CCDC171: variants seen among roughly 807,000 people sequenced by gnomAD.
CCDC171 encodes the protein coiled-coil domain-containing protein 171.
A neutral mutation model predicts 168.2 loss-of-function variants in CCDC171; 177 were observed. That is an observed-to-expected ratio of 1.05 (90% CI 0.93 to 1.19). The LOEUF is 1.19. CCDC171 is among the 50% of genes most tolerant of loss of function. CCDC171 has a pLI of 0.00. For missense variants in CCDC171, 1,991 were observed against 1,539.0 expected (o/e 1.29, Z -4.91); for synonymous variants, 687 against 540.8 (o/e 1.27, Z -3.75).
At chr9:15,713,399 A>C (rs1417436924) in intron 11 of CCDC171, among the ~76,000 whole-genome samples, 1 of 152,090 alleles carries the variant, frequency 6.6e-6, no homozygotes, top group Non-Finnish European at 1.5e-5. Context: ...AAAGCAATGT[A>C]ACAGGAATAG....
At chr9:15,727,408 G>A (rs2053876638) in intron 14 of CCDC171, among the ~76,000 whole-genome samples, 1 of 152,132 alleles carries the variant, frequency 6.6e-6, no homozygotes, top group African/African-American at 2.4e-5. Flanking sequence ...TTTCATCAGA[G>A]TTGAATAACA....
At chr9:15,641,543 G>A (rs1408239317) in intron 7 of CCDC171, among the ~76,000 whole-genome samples, 1 of 152,148 alleles carries the variant, frequency 6.6e-6, no homozygotes, top group African/African-American at 2.4e-5. Flanking sequence ...GAACATCTGG[G>A]TATGTTTGGT....
intron 11 of CCDC171, among the ~76,000 whole-genome samples, chr9:15,696,103 T>G (rs552873502): frequency 5.9e-5 from 9 of 152,294 alleles, no homozygotes; most frequent in African/African-American, 1.9e-4. Context: ...CTAACACAAT[T>G]CTATTCTTCA....
chr9:16,034,495 G>A lies in CCDC171; in HGVS notation n.999-962G>A, dbSNP rs976661913. Among the ~76,000 whole-genome samples the A allele has an allele frequency of 5.9e-5, 9 of 152,168 alleles. No individual in the cohort carries two copies. In the East Asian group the frequency reaches 1.7e-3, roughly 29 times the overall value. Reference sequence around the variant, plus strand: ...TTTCCACAGTAATTTGATTTGAGCTGAGAACAACTGCAGGAGACACTGTTG... The same window carrying A: ...TTTCCACAGTAATTTGATTTGAGCTAAGAACAACTGCAGGAGACACTGTTG... On this transcript the variant is annotated intron_variant and non_coding_transcript_variant, in intron 6 of 9. Coordinates refer to the CCDC171 transcript ENST00000486641.
intron 21 of CCDC171, among the ~76,000 whole-genome samples, chr9:15,826,661 G>C (rs2060025676): frequency 6.6e-6 from 1 of 152,150 alleles, no homozygotes; most frequent in Non-Finnish European, 1.5e-5. Flanking sequence ...CTTGCAACAA[G>C]CTAGCATCTC....
chr9:15,664,094 A>G (rs2048534398), intron 8 of CCDC171, among the ~76,000 whole-genome samples: 2 of 151,672 alleles, frequency 1.3e-5, no homozygotes, highest in Admixed American at 1.3e-4. Flanking sequence ...ATTAATAGTC[A>G]CTGGAGACTC....
At chr9:15,923,302 T>A (rs1163450128) in intron 25 of CCDC171, among the ~76,000 whole-genome samples, 1 of 151,298 alleles carries the variant, frequency 6.6e-6, no homozygotes, top group Non-Finnish European at 1.5e-5. Context: ...TATATATACA[T>A]AATAAATACT....
intron 6 of CCDC171, among the ~76,000 whole-genome samples, chr9:15,609,193 G>A (rs1258082737): frequency 6.6e-6 from 1 of 151,348 alleles, no homozygotes; most frequent in Non-Finnish European, 1.5e-5. Context: ...TCCGCCTCCC[G>A]GGTTCAAGCG....
chr9:15,574,446 T>G (rs1313513839), intron 3 of CCDC171, among the ~76,000 whole-genome samples: 2 of 152,000 alleles, frequency 1.3e-5, no homozygotes, highest in Non-Finnish European at 1.5e-5. Context: ...CCTGGCCAAA[T>G]TTTTGTATTT....
intron 3 of CCDC171, among the ~76,000 whole-genome samples, chr9:16,006,388 A>G (rs1206546270): frequency 6.6e-6 from 1 of 152,142 alleles, no homozygotes; most frequent in Admixed American, 6.6e-5. Flanking sequence ...AGCTATTCGT[A>G]TATCTTTGAA....
rs1588950416 is a variant in CCDC171 at position 15,874,500 on chromosome 9, A to T, written c.3469-32A>T. The stretch of plus-strand genomic sequence containing the variant: ...ATCCCAGTTAATGTGTCTGAAGGGG[A>T]ATTACCATTGATGCTGTTTTTTTCC... On this transcript the variant is annotated intron_variant, in intron 23 of 25. Coordinates refer to ENST00000380701, the MANE Select transcript of CCDC171 (RefSeq NM_173550.4). The T allele has an allele frequency of 1.9e-6, 3 of 1,566,268 alleles. No individual in the cohort carries two copies. In the East Asian group the frequency reaches 7.0e-5, roughly 37 times the overall value.
chr9:16,079,828 G>A, the CCDC171 span, among the ~76,000 whole-genome samples: 1 of 152,146 alleles, frequency 6.6e-6, no homozygotes. Context: ...TTACAATTTA[G>A]CAGGCACTGT....
the CCDC171 span, among the ~76,000 whole-genome samples, chr9:16,096,989 A>C: frequency 2.0e-5 from 3 of 152,176 alleles, no homozygotes; most frequent in Admixed American, 1.3e-4. Context: ...AGGAGGCAAA[A>C]GGGGAAAATA....
chr9:15,557,891 T>G (rs1281321780), intron 1 of CCDC171, among the ~76,000 whole-genome samples: 1 of 152,138 alleles, frequency 6.6e-6, no homozygotes, highest in East Asian at 1.9e-4. Flanking sequence ...AAAGAGCTCT[T>G]ATTATTTTGA....
chr9:15,954,023 C>T (rs1439554373), intron 25 of CCDC171, among the ~76,000 whole-genome samples: 1 of 151,912 alleles, frequency 6.6e-6, no homozygotes, highest in African/African-American at 2.4e-5. Flanking sequence ...CTAATATCCC[C>T]ACTTTCTCTT....
intron 9 of CCDC171, 66 bp downstream of exon 9, chr9:15,666,389 G>T: frequency 8.9e-7 from 1 of 1,119,366 alleles, no homozygotes; most frequent in Non-Finnish European, 1.3e-6. Context: ...TATAAAATAT[G>T]AATGTATACT....
At chr9:15,686,986 G>C (rs2050440678) in intron 10 of CCDC171, among the ~76,000 whole-genome samples, 1 of 152,172 alleles carries the variant, frequency 6.6e-6, no homozygotes, top group South Asian at 2.1e-4. Context: ...AAATATTCTT[G>C]TGGATAGATC....
chr9:15,790,701 G>C (rs957869076), intron 21 of CCDC171, among the ~76,000 whole-genome samples: 19 of 152,286 alleles, frequency 1.2e-4, no homozygotes, highest in Middle Eastern at 3.4e-3. Context: ...TATTGCCTAG[G>C]TTTTCTTCTA....
At chr9:16,068,297 G>A in the CCDC171 span, among the ~76,000 whole-genome samples, 3 of 151,694 alleles carry the variant, frequency 2.0e-5, no homozygotes, top group African/African-American at 4.9e-5. Flanking sequence ...ACTGCTCAAG[G>A]AAATAAAAGA....
Sources: allele counts gnomAD v4.1 joint callset (sites outside exome capture counted in the v4.1 genomes callset), GRCh38; gene constraint gnomAD v4.1.1; transcripts MANE v1.5; gene names NCBI Gene and HGNC (gene_info 2026-07-23, HGNC 2026-07-21).